Variants in JAK3 observed in about 807,000 individuals in gnomAD.
The protein encoded by JAK3 is Janus kinase 3.
JAK3 carries 88 observed loss-of-function variants against 120.8 expected under a neutral mutation model. That is an observed-to-expected ratio of 0.73 (90% confidence interval 0.61 to 0.87). The LOEUF is 0.87. Among genes scored for constraint, JAK3 ranks in the 40% least tolerant of loss-of-function variants. The pLI is 0.00. For synonymous variants in JAK3, 592 were observed against 628.6 expected, an observed-to-expected ratio of 0.94 and a Z score of 0.87; for missense variants, 1,254 against 1,501.4, an observed-to-expected ratio of 0.84 and a Z score of 2.72.
intron 1 of JAK3, 41 bp downstream of exon 1, chr19:17,847,905 C>T: frequency 1.1e-6 from 1 of 941,042 alleles, no homozygotes; most frequent in Non-Finnish European, 1.3e-6. Flanking sequence ...CCATCCTCCC[C>T]CAGTGTCTGG....
rs200580168 is a variant in JAK3 at position 17,826,901 on chromosome 19, G to A, written c.3217C>T (p.Leu1073Phe). Residue 1073 changes from leucine (L) to phenylalanine (F), a missense_variant, in exon 24 of 24, where the codon CTC (leucine) becomes TTC (phenylalanine). Physicochemically the swap from Leu to Phe is conservative, Grantham distance 22. Coordinates refer to ENST00000458235, the MANE Select transcript of JAK3 (RefSeq NM_000215.4). ...CTAGGGGCCCAGCACAGCTTCATGAGCTCGTGAACCTGAGGGGCGGGGGAC... is the reference window on the plus strand; with the variant it reads ...CTAGGGGCCCAGCACAGCTTCATGAACTCGTGAACCTGAGGGGCGGGGGAC... ...PPACPAEVHE[L>F]MKLCWAPSPQ... 3.3e-4 allele frequency: 533 copies of A among 1,610,272 alleles called. No homozygotes were observed. Among genetic ancestry groups the A allele is most frequent in the Non-Finnish European group, 3.3e-4 (389 of 1,179,564 alleles).
At position 17,831,560 on chromosome 19, in the gene JAK3, C is replaced by A; in HGVS notation, c.2805+114G>T. ...CCTGAGCCCTAAGCCAACCCCACCA[C>A]TCCCGAGACCTGGACCCCAAACCAC... On this transcript the variant is annotated intron_variant, in intron 20 of 23. Coordinates refer to ENST00000458235, the MANE Select transcript of JAK3 (RefSeq NM_000215.4). The surrounding 1 kb of genome is among the most constrained non-coding windows in gnomAD (Gnocchi z 5.1). 6.7e-7 allele frequency: 1 copy of A among 1,501,556 alleles called. No individual in the cohort carries two copies. Among genetic ancestry groups the A allele is most frequent in the Non-Finnish European group, 9.0e-7 (1 of 1,116,290 alleles). The allele number at this position is 1,501,556 out of a possible 1,614,324, so 93.0% of individuals were successfully genotyped here. A position where few individuals can be genotyped will look rare whatever the true frequency, so the allele number is the denominator to read the frequency against.
intron 17 of JAK3, among the ~76,000 whole-genome samples, chr19:17,834,125 A>G (rs1381395593): frequency 6.6e-6 from 1 of 152,100 alleles, no homozygotes; most frequent in African/African-American, 2.4e-5. Context: ...AGGTGGGCGG[A>G]TCACCTGAGG....
At chr19:17,827,794 C>G (rs367624924) in intron 23 of JAK3, among the ~76,000 whole-genome samples, 1 of 140,614 alleles carries the variant, frequency 7.1e-6, no homozygotes, top group Non-Finnish European at 1.5e-5. Context: ...CCCAGCTACT[C>G]GGGAGTCTAA....
chr19:17,839,615 T>C lies in JAK3; in HGVS notation c.1303A>G (p.Thr435Ala). The C allele has an allele frequency of 6.2e-7, 1 of 1,612,296 alleles. No homozygotes were observed. Among genetic ancestry groups the C allele is most frequent in the Non-Finnish European group, 8.5e-7 (1 of 1,179,538 alleles). The change falls in exon 10 of 24, where the codon ACA (threonine) becomes GCA (alanine). Residue 435 changes from threonine to alanine, a missense_variant. Transcript: ENST00000458235. ...YKGCLIRRSP[T>A]GTFLLVGLSR... is the part of the protein sequence containing the mutation. ...AGGCCAACCAGAAGGAAGGTTCCTGTGGGGCTGCGCCGGATGAGGCAGCCC... is the reference window on the plus strand; with the variant it reads ...AGGCCAACCAGAAGGAAGGTTCCTGCGGGGCTGCGCCGGATGAGGCAGCCC...
Position 17,839,186 on chromosome 19 carries a change from G to C in JAK3, c.1441+291C>G, listed in dbSNP as rs1027882836. On this transcript the variant is annotated intron_variant, in intron 10 of 23. Transcript: ENST00000458235. The stretch of plus-strand genomic sequence containing the variant: ...GAGACTCAGAAGAACTCACATCTCA[G>C]AATTGTCCCATCAGAGGGGTTTGTC... 16 of 552,832 alleles carry C rather than the reference G, an allele frequency of 2.9e-5. No homozygotes were observed. The African/African-American group carries it at 3.0e-4, about 10-fold the overall frequency. The allele number at this position is 552,832 out of a possible 1,614,324, so 34.2% of individuals were successfully genotyped here.
rs1266240549 is a variant in JAK3, at chr19:17,834,617, G to A, written c.2304C>T (p.Pro768=). 6.2e-7 allele frequency: 1 copy of A among 1,614,062 alleles called. No homozygotes were observed. Among genetic ancestry groups the A allele is most frequent in the Admixed American group, 1.7e-5 (1 of 59,990 alleles). The change falls in exon 17 of 24, where the codon CCC becomes CCT. Residue 768 remains proline (P), a synonymous_variant. Transcript: ENST00000458235. ...QCMAYEPVQR[P]SFRAVIRDLN... ...GGTCACGAATGACGGCTCGGAAGGA[G>A]GGCCTCTGGACCGGCTCATAGGCCA...
intron 21 of JAK3, among the ~76,000 whole-genome samples, chr19:17,830,967 G>A (rs2094213161): frequency 7.6e-6 from 1 of 131,906 alleles, no homozygotes; most frequent in African/African-American, 2.9e-5. Flanking sequence ...GAGGGGTGGG[G>A]TTCTGAAGCT....
rs756882450 is a variant in JAK3 at position 17,843,492 on chromosome 19, CTG to C, written c.309-3_309-2del. The stretch of plus-strand genomic sequence containing the variant: ...CCCAAACCAATTGGGGAAGTAAAAG[CTG>C]TGAGGAGAGGAGAGAACCCTGGGAT... On this transcript the variant is annotated splice_acceptor_variant and splice_polypyrimidine_tract_variant and intron_variant, in intron 3 of 23. Coordinates refer to ENST00000458235, the MANE Select transcript of JAK3 (RefSeq NM_000215.4). LOFTEE classifies it high-confidence loss of function. The surrounding 1 kb of genome is among the most constrained non-coding windows in gnomAD (Gnocchi z 5.4). 2 of 1,586,362 alleles carry C rather than the reference CTG, an allele frequency of 1.3e-6. No individual in the cohort carries two copies. Among genetic ancestry groups the C allele is most frequent in the African/African-American group, 2.7e-5 (2 of 74,252 alleles).
Position 17,843,977 on chromosome 19 carries a change from A to G in JAK3, c.185-77T>C. ...TTCAGGAGTGCCAGCATCATACCCA[A>G]CCGTCCAGATCCTTCCATACCTCAA... On this transcript the variant is annotated intron_variant, in intron 2 of 23. Transcript: ENST00000458235. This position sits in a 1 kb window ranked among gnomAD's most constrained non-coding sequence, Gnocchi z 5.4. 1 of 1,567,432 alleles carries G rather than the reference A, an allele frequency of 6.4e-7. No individual in the cohort carries two copies. Among genetic ancestry groups the G allele is most frequent in the Non-Finnish European group, 8.7e-7 (1 of 1,148,452 alleles).
In JAK3 at chr19:17,842,091, A is replaced by T. The variant is rs2094240773; in HGVS notation, c.861+225T>A. Among the ~76,000 whole-genome samples the T allele has an allele frequency of 6.9e-6, 1 of 144,776 alleles. No individual in the cohort carries two copies. Among genetic ancestry groups the T allele is most frequent in the African/African-American group, 2.6e-5 (1 of 38,556 alleles). The allele number at this position is 144,776 out of a possible 152,430, so 95.0% of individuals were successfully genotyped here. ...CCAGCGCCCACCCACCCACTCCTCA[A>T]CCCCTCCCATTTTCATTCCCGGGTC... On this transcript the variant is annotated intron_variant, in intron 6 of 23. Transcript: ENST00000458235. The surrounding 1 kb of genome is among the most constrained non-coding windows in gnomAD (Gnocchi z 6.4).
At position 17,842,581 on chromosome 19, in the gene JAK3, C is replaced by T. The variant is rs545218078; in HGVS notation, c.596G>A (p.Arg199His). 1.9e-6 allele frequency: 3 copies of T among 1,585,848 alleles called. No homozygotes were observed. The South Asian group carries it at 3.4e-5, about 18-fold the overall frequency. Reference sequence around the variant, plus strand: ...GAAGCTCAGGCCCTGGATCAGGTCGCGCAGGCTTGGGGGTAGGCAGGCCTT... The same window carrying T: ...GAAGCTCAGGCCCTGGATCAGGTCGTGCAGGCTTGGGGGTAGGCAGGCCTT... Reference protein sequence around the residue: ...SYKACLPPSLRDLIQGLSFVT... With the variant: ...SYKACLPPSLHDLIQGLSFVT... Residue 199 changes from arginine to histidine, a missense_variant, in exon 6 of 24, where the codon CGC becomes CAC. Physicochemically the swap from Arg to His is conservative, Grantham distance 29. Around this residue, in one of 3 missense-constraint regions of JAK3, gnomAD observed 486 missense variants for 503.0 expected, o/e 0.97. Coordinates refer to ENST00000458235, the MANE Select transcript of JAK3 (RefSeq NM_000215.4). The surrounding 1 kb of genome is among the most constrained non-coding windows in gnomAD (Gnocchi z 6.4).
At chr19:17,844,102 A>G in intron 2 of JAK3, 132 bp downstream of exon 2, 2 of 1,198,344 alleles carry the variant, frequency 1.7e-6, no homozygotes, top group Non-Finnish European at 2.4e-6. Flanking sequence ...CTTCTCCATT[A>G]CAAAACTCCT....
intron 17 of JAK3, among the ~76,000 whole-genome samples, chr19:17,834,037 G>T (rs113580539): frequency 0.026 from 3,888 of 152,020 alleles, 197 homozygotes; most frequent in African/African-American, 0.089. Flanking sequence ...ACTGCGCCCA[G>T]CCAAACATTT....
chr19:17,831,135 G>C lies in JAK3; in HGVS notation c.2978+93C>G, dbSNP rs1165743840. On this transcript the variant is annotated intron_variant, in intron 21 of 23. Coordinates refer to ENST00000458235, the MANE Select transcript of JAK3 (RefSeq NM_000215.4). This position sits in a 1 kb window ranked among gnomAD's most constrained non-coding sequence, Gnocchi z 5.1. ...CGGAGGAAGGGCGGGGCTAAGGCTG[G>C]GGAGCAAAGCAGCGGGAGGGGGCGG... is the stretch of plus-strand genomic sequence containing the variant. 7.1e-7 allele frequency: 1 copy of C among 1,401,546 alleles called. No homozygotes were observed. The highest frequency in any genetic ancestry group is 9.8e-7 in the Non-Finnish European group (1 of 1,021,332). 86.8% of individuals were successfully genotyped at this position (1,401,546 alleles called of 1,614,324 possible).
At chr19:17,839,814 C>T (rs1289797045) in intron 9 of JAK3, 151 bp from the exon 10 acceptor site, 6 of 706,140 alleles carry the variant, frequency 8.5e-6, no homozygotes, top group African/African-American at 3.7e-5. Flanking sequence ...GACCTTGGCT[C>T]ACTGCAACCT....
Position 17,839,589 on chromosome 19 carries a change from G to A in JAK3, c.1329C>T (p.Leu443=). The A allele has an allele frequency of 6.2e-7, 1 of 1,612,076 alleles. No individual in the cohort carries two copies. Among genetic ancestry groups the A allele is most frequent in the Non-Finnish European group, 8.5e-7 (1 of 1,179,358 alleles). ...SPTGTFLLVG[L]SRPHSSLREL... ...CTCGAAGACTGCTGTGGGGTCGGCT[G>A]AGGCCAACCAGAAGGAAGGTTCCTG... The change falls in exon 10 of 24, where the codon CTC becomes CTT. Residue 443 remains leucine (L), a synonymous_variant. Coordinates refer to ENST00000458235, the MANE Select transcript of JAK3 (RefSeq NM_000215.4).
Position 17,832,777 on chromosome 19 carries a change from C to G in JAK3, c.2490+13G>C, listed in dbSNP as rs2094216751. 2 of 1,614,274 alleles carry G rather than the reference C, an allele frequency of 1.2e-6. No individual in the cohort carries two copies. Among genetic ancestry groups the G allele is most frequent in the Non-Finnish European group, 1.7e-6 (2 of 1,180,044 alleles). On this transcript the variant is annotated intron_variant, in intron 18 of 23. Transcript: ENST00000458235. The surrounding 1 kb of genome is among the most constrained non-coding windows in gnomAD (Gnocchi z 4.7). ...CTGCCCTCTCCAACCCACCCTGGCC[C>G]TGCCCACCTTACCTTGCCCAGCTGT...
Position 17,843,141 on chromosome 19 carries a change from G to A in JAK3, c.452C>T (p.Pro151Leu). Residue 151 changes from proline (P) to leucine (L), a missense_variant, in exon 5 of 24, where the codon CCC becomes CTC. Physicochemically the swap from Pro to Leu is moderately conservative, Grantham distance 98. This residue lies in a region of JAK3 where 486 missense variants were observed against 503.0 expected (regional missense o/e 0.97). Coordinates refer to ENST00000458235, the MANE Select transcript of JAK3 (RefSeq NM_000215.4). This position sits in a 1 kb window ranked among gnomAD's most constrained non-coding sequence, Gnocchi z 5.4. ...HRSDLVSGRL[P>L]VGLSLKEQGE... ...CTGCTCCTTGAGACTGAGGCCCACG[G>A]GGAGGCGCCCACTCACCAGGTCACT... 6.2e-7 allele frequency: 1 copy of A among 1,608,016 alleles called. No individual in the cohort carries two copies. The highest frequency in any genetic ancestry group is 8.5e-7 in the Non-Finnish European group (1 of 1,179,554).
Sources: allele counts gnomAD v4.1 joint callset (sites outside exome capture counted in the v4.1 genomes callset), GRCh38; gene constraint gnomAD v4.1.1; regional missense constraint gnomAD v4.1.1; non-coding constraint Gnocchi (gnomAD v3.1); transcripts MANE v1.5; gene names NCBI Gene and HGNC (gene_info 2026-07-23, HGNC 2026-07-21).